The following ERBB4 variants were observed in gnomAD, a reference collection of about 807,000 sequenced individuals.
The protein encoded by ERBB4 is receptor tyrosine-protein kinase erbB-4.
ERBB4 carries 42 observed loss-of-function variants against 158.0 expected under a neutral mutation model. The ratio of observed to expected loss-of-function variants is 0.27; its 90% CI spans 0.21 to 0.34. ERBB4 has a LOEUF of 0.34. ERBB4 is among the 10% of genes least tolerant of loss of function. The probability of loss-of-function intolerance (pLI) is 1.00; values close to 1 mark genes in which losing one functional copy is unlikely to be tolerated. For synonymous variants in ERBB4, 583 were observed against 558.7 expected (o/e 1.04, Z -0.61); for missense variants, 1,333 against 1,624.1 (o/e 0.82, Z 3.08).
At chr2:211,783,918 T>C (rs1417989960) in intron 4 of ERBB4, among the ~76,000 whole-genome samples, 3 of 152,196 alleles carry the variant, frequency 2.0e-5, no homozygotes, top group Non-Finnish European at 4.4e-5. Context: ...CTTTTTCTCT[T>C]GATTGGAATA....
chr2:211,879,255 A>G (rs1018779329), intron 3 of ERBB4, among the ~76,000 whole-genome samples: 3 of 152,124 alleles, frequency 2.0e-5, no homozygotes, highest in African/African-American at 7.2e-5. Flanking sequence ...ATCTAGAAAA[A>G]CATATTTGCA....
intron 1 of ERBB4, among the ~76,000 whole-genome samples, chr2:212,428,501 TG>T (rs201962724): frequency 0.024 from 3,613 of 152,160 alleles, 97 homozygotes; most frequent in South Asian, 0.052. Context: ...AAATGATAGT[TG>T]TCCAGGACTG....
chr2:212,439,691 AAG>A (rs1351730750), intron 1 of ERBB4, among the ~76,000 whole-genome samples: 2 of 152,194 alleles, frequency 1.3e-5, no homozygotes, highest in Non-Finnish European at 2.9e-5. Flanking sequence ...GGGTTAGGAT[AAG>A]AAAGTTTTTG....
chr2:211,675,736 G>A (rs902198183), intron 13 of ERBB4, among the ~76,000 whole-genome samples: 11 of 142,904 alleles, frequency 7.7e-5, no homozygotes, highest in Non-Finnish European at 1.5e-4. Context: ...TTCTCTTCTG[G>A]AGCCACATTT....
At chr2:211,675,906 A>G (rs2072052891) in intron 13 of ERBB4, among the ~76,000 whole-genome samples, 1 of 151,074 alleles carries the variant, frequency 6.6e-6, no homozygotes, top group Non-Finnish European at 1.5e-5. Context: ...CATTTAATCA[A>G]CTCAGATAAA....
At chr2:212,100,817 G>A (rs1261826310) in intron 2 of ERBB4, among the ~76,000 whole-genome samples, 2 of 152,088 alleles carry the variant, frequency 1.3e-5, no homozygotes, top group Non-Finnish European at 2.9e-5. Context: ...AACAATTTTG[G>A]CAGCATTTAG....
intron 3 of ERBB4, among the ~76,000 whole-genome samples, chr2:211,943,534 A>C (rs918776340): frequency 3.3e-5 from 5 of 152,034 alleles, no homozygotes; most frequent in African/African-American, 1.2e-4. Context: ...CACTGATGGA[A>C]GTATAACCTC....
At chr2:212,248,956 A>G (rs956790039) in intron 1 of ERBB4, among the ~76,000 whole-genome samples, 41 of 152,136 alleles carry the variant, frequency 2.7e-4, no homozygotes, top group Admixed American at 3.3e-4. Context: ...TTTTCTTCAA[A>G]GTAAAATGGA....
At chr2:212,467,260 C>A (rs1016163395) in intron 1 of ERBB4, among the ~76,000 whole-genome samples, 1 of 152,134 alleles carries the variant, frequency 6.6e-6, no homozygotes, top group Admixed American at 6.5e-5. Flanking sequence ...AATGAGGAGC[C>A]GAATGTTAAT....
chr2:212,253,961 A>G (rs901555191), intron 1 of ERBB4, among the ~76,000 whole-genome samples: 2 of 152,152 alleles, frequency 1.3e-5, no homozygotes, highest in Admixed American at 1.3e-4. Context: ...TTGTAATACA[A>G]TGGTATTTGT....
chr2:211,670,288 G>C (rs1459247605), intron 14 of ERBB4, among the ~76,000 whole-genome samples: 1 of 152,102 alleles, frequency 6.6e-6, no homozygotes, highest in Non-Finnish European at 1.5e-5. Context: ...AGCAATGTTT[G>C]GGCCACTGGT....
intron 12 of ERBB4, among the ~76,000 whole-genome samples, chr2:211,679,826 C>A (rs1307255301): frequency 2.0e-5 from 3 of 152,076 alleles, no homozygotes; most frequent in East Asian, 3.9e-4. Flanking sequence ...ATTACAGGCT[C>A]ACACTACCAC....
chr2:212,149,271 G>A (rs2080788886), intron 1 of ERBB4, among the ~76,000 whole-genome samples: 1 of 152,012 alleles, frequency 6.6e-6, no homozygotes, highest in African/African-American at 2.4e-5. Context: ...CTGTTTATAA[G>A]CCTCCAATTG....
chr2:212,387,030 G>A (rs756704335), intron 1 of ERBB4, among the ~76,000 whole-genome samples: 3 of 151,928 alleles, frequency 2.0e-5, no homozygotes, highest in Non-Finnish European at 2.9e-5. Context: ...GGAAGAAAGT[G>A]GGGTATTTTA....
At position 212,463,794 on chromosome 2, in the gene ERBB4, CCT is replaced by C. The variant is rs1326750923; in HGVS notation, c.82+74653_82+74654del. On this transcript the variant is annotated intron_variant, in intron 1 of 27. Coordinates refer to ENST00000342788, the MANE Select transcript of ERBB4 (RefSeq NM_005235.3). ...TCAGTTCAAAAGGTGATTAATTGGC[CCT>C]GTTTCATATTGCAGAATTACCATCC... 1.5e-4 allele frequency among the ~76,000 whole-genome samples: 23 copies of C among 151,978 alleles called. 1 individual carries two copies. The highest frequency in any genetic ancestry group is 6.2e-4 in the South Asian group (3 of 4,814).
At chr2:212,311,973 T>A (rs2087064107) in intron 1 of ERBB4, among the ~76,000 whole-genome samples, 1 of 151,032 alleles carries the variant, frequency 6.6e-6, no homozygotes, top group Non-Finnish European at 1.5e-5. Flanking sequence ...AAATCGTGAT[T>A]TAAAGATTTT....
At chr2:211,897,414 C>T (rs934687992) in intron 3 of ERBB4, among the ~76,000 whole-genome samples, 1 of 151,172 alleles carries the variant, frequency 6.6e-6, no homozygotes, top group African/African-American at 2.4e-5. Context: ...TTTTCATCTT[C>T]CTGTAAGATC....
At chr2:212,321,042 T>C (rs985002391) in intron 1 of ERBB4, among the ~76,000 whole-genome samples, 1 of 150,228 alleles carries the variant, frequency 6.7e-6, no homozygotes. Flanking sequence ...AAACTCTCAC[T>C]GTAGAGTTTT....
chr2:211,950,935 C>T (rs921465490), intron 2 of ERBB4, among the ~76,000 whole-genome samples: 22 of 152,158 alleles, frequency 1.4e-4, no homozygotes, highest in Non-Finnish European at 1.8e-4. Flanking sequence ...CCTTATCTAC[C>T]TCTTTGAGCT....
Sources: allele counts gnomAD v4.1 joint callset (sites outside exome capture counted in the v4.1 genomes callset), GRCh38; gene constraint gnomAD v4.1.1; transcripts MANE v1.5; gene names NCBI Gene and HGNC (gene_info 2026-07-23, HGNC 2026-07-21).